The following RGS9 variants were observed in gnomAD, a reference collection of about 807,000 sequenced individuals.
RGS9 encodes the protein regulator of G protein signaling 9.
RGS9 carries 78 observed loss-of-function variants against 102.0 expected under a neutral mutation model. That is an observed-to-expected ratio of 0.76 (90% CI 0.64 to 0.92). The LOEUF (loss-of-function observed/expected upper bound fraction) is 0.92, where lower values mean the gene tolerates loss of function less well. RGS9 is among the 40% of genes least tolerant of loss of function. The probability of loss-of-function intolerance (pLI) is 0.00; values close to 1 mark genes in which losing one functional copy is unlikely to be tolerated. For missense variants in RGS9, 833 were observed against 866.1 expected (o/e 0.96, Z 0.48); for synonymous variants, 353 against 318.6 (o/e 1.11, Z -1.15).
At chr17:65,159,971 A>C (rs1333847349) in intron 3 of RGS9, among the ~76,000 whole-genome samples, 1 of 152,308 alleles carries the variant, frequency 6.6e-6, no homozygotes, top group East Asian at 1.9e-4. Context: ...GGTTTCTGTT[A>C]ACATCCAGAT....
At chr17:65,195,393 C>G (rs1912544669) in intron 12 of RGS9, among the ~76,000 whole-genome samples, 1 of 152,102 alleles carries the variant, frequency 6.6e-6, no homozygotes, top group Non-Finnish European at 1.5e-5. Flanking sequence ...TGGAACTCCC[C>G]ATTAAAGTGG....
intron 12 of RGS9, among the ~76,000 whole-genome samples, chr17:65,196,881 G>T (rs1376001348): frequency 6.6e-6 from 1 of 152,222 alleles, no homozygotes; most frequent in African/African-American, 2.4e-5. Flanking sequence ...CTGAGTGTGG[G>T]CTCCCCACGG....
intron 17 of RGS9, 37 bp downstream of exon 17, chr17:65,210,642 A>G (rs1210378249): frequency 2.5e-6 from 4 of 1,611,656 alleles, no homozygotes; most frequent in Admixed American, 3.3e-5. Flanking sequence ...CCAACTCCAA[A>G]AAGAGCTGCC....
chr17:65,137,429 C>A lies in RGS9; in HGVS notation c.-112C>A. 9.2e-7 allele frequency: 1 copy of A among 1,092,354 alleles called. No individual in the cohort carries two copies. Among genetic ancestry groups the A allele is most frequent in the Non-Finnish European group, 1.4e-6 (1 of 722,380 alleles). The allele number at this position is 1,092,354 out of a possible 1,614,324, so 67.7% of individuals were successfully genotyped here. On this transcript the variant is annotated 5_prime_UTR_variant, in exon 1 of 19. Transcript: ENST00000262406. ...GGCCCGCGCCCTCCCCGCCCAGCCG[C>A]CTCCCCGTCGACGCCCAGGGCTGGG...
chr17:65,210,591 G>C lies in RGS9; in HGVS notation c.1393G>C (p.Val465Leu), dbSNP rs1913255139. The change falls in exon 17 of 19, where the codon GTG becomes CTG. Residue 465 changes from valine (V) to leucine (L), a missense_variant. This residue lies in a region of RGS9 where 185 missense variants were observed against 248.7 expected (regional missense o/e 0.74). Transcript: ENST00000262406. ...CAAGGCCCGAGAAGCAGCCAACACTGTGGACATCACCCAGGTCATGAGCAA... is the reference window on the plus strand; with the variant it reads ...CAAGGCCCGAGAAGCAGCCAACACTCTGGACATCACCCAGGTCATGAGCAA... ...EAKAREAANT[V>L]DITQPGQHMA... The C allele has an allele frequency of 6.2e-7, 1 of 1,613,874 alleles. No homozygotes were observed. The highest frequency in any genetic ancestry group is 1.3e-5 in the African/African-American group (1 of 74,922).
chr17:65,224,917 C>T (rs1423303933), intron 17 of RGS9, 85 bp from the exon 18 acceptor site: 1 of 1,573,118 alleles, frequency 6.4e-7, no homozygotes, highest in African/African-American at 1.3e-5. Flanking sequence ...TGGAAGGGGA[C>T]TAAGTTAGCA....
Position 65,160,289 on chromosome 17 carries a change from G to T in RGS9, c.262G>T (p.Asp88Tyr), listed in dbSNP as rs376498676. Residue 88 changes from aspartate to tyrosine, a missense_variant, in exon 4 of 19, where the codon GAC becomes TAC. Coordinates refer to ENST00000262406, the MANE Select transcript of RGS9 (RefSeq NM_003835.4). ...VRYGYIYPLQ[D>Y]PKNLILKPDG... Reference sequence around the variant, plus strand: ...GTATGGCTACATTTACCCCCTGCAAGACCCCAAGAATCTCATTCTCAAGCC... The same window carrying T: ...GTATGGCTACATTTACCCCCTGCAATACCCCAAGAATCTCATTCTCAAGCC... 37 of 1,614,098 alleles carry T rather than the reference G, an allele frequency of 2.3e-5. No homozygotes were observed. Among genetic ancestry groups the T allele is most frequent in the Non-Finnish European group, 3.0e-5 (35 of 1,180,048 alleles).
chr17:65,212,991 A>G (rs1913361959), intron 17 of RGS9, among the ~76,000 whole-genome samples: 1 of 152,238 alleles, frequency 6.6e-6, no homozygotes, highest in Non-Finnish European at 1.5e-5. Context: ...TGAATGAATG[A>G]AAAGAGCCCT....
intron 18 of RGS9, among the ~76,000 whole-genome samples, chr17:65,226,617 G>GTTTT (rs142345483): frequency 2.1e-5 from 3 of 142,202 alleles, no homozygotes; most frequent in African/African-American, 7.8e-5. Flanking sequence ...TTGTCTGGGT[G>GTTTT]TTTTTTTTTT....
rs1325187485 is a variant in RGS9, at chr17:65,225,139, G to A, written c.1545G>A (p.Arg515=). ...TCGCCTCACCCAGCCGCTTCATCCG[G>A]CGACCCAGCACCACCATCTGCCCCT... ...KPFASPSRFI[R]RPSTTICPSP... The change falls in exon 18 of 19, where the codon CGG becomes CGA. Residue 515 remains arginine (R), a synonymous_variant. Transcript: ENST00000262406. The A allele has an allele frequency of 6.2e-7, 1 of 1,613,636 alleles. No individual in the cohort carries two copies. The highest frequency in any genetic ancestry group is 1.7e-5 in the Admixed American group (1 of 60,028).
intron 8 of RGS9, among the ~76,000 whole-genome samples, chr17:65,175,534 G>A (rs1345949928): frequency 6.6e-6 from 1 of 152,076 alleles, no homozygotes; most frequent in Non-Finnish European, 1.5e-5. Flanking sequence ...TTGAGACTGG[G>A]AGTGCCTCAG....
chr17:65,152,367 T>C (rs575573847), intron 1 of RGS9, among the ~76,000 whole-genome samples: 1 of 152,216 alleles, frequency 6.6e-6, no homozygotes, highest in Non-Finnish European at 1.5e-5. Context: ...GTCCCGAACA[T>C]GTAGACCAGT....
At chr17:65,215,090 G>C (rs1426051032) in intron 17 of RGS9, among the ~76,000 whole-genome samples, 3 of 152,318 alleles carry the variant, frequency 2.0e-5, no homozygotes, top group East Asian at 3.9e-4. Flanking sequence ...TTCGTATGCT[G>C]GATGTCTGAA....
At chr17:65,168,701 T>G (rs2144016495) in intron 8 of RGS9, among the ~76,000 whole-genome samples, 1 of 152,236 alleles carries the variant, frequency 6.6e-6, no homozygotes, top group African/African-American at 2.4e-5. Context: ...CCTTGGTGTC[T>G]CTAGCTCCCT....
intron 5 of RGS9, 128 bp from the exon 6 acceptor site, chr17:65,160,723 A>G: frequency 7.3e-7 from 1 of 1,376,998 alleles, no homozygotes; most frequent in Non-Finnish European, 1.0e-6. Context: ...GCATGTCCCC[A>G]GGGGCAAGGG....
chr17:65,174,334 T>C (rs980789857), intron 8 of RGS9, among the ~76,000 whole-genome samples: 17 of 152,066 alleles, frequency 1.1e-4, no homozygotes, highest in African/African-American at 4.1e-4. Flanking sequence ...CAGACACTGG[T>C]TGTAGGGCAT....
chr17:65,193,159 T>C (rs1294767470), intron 11 of RGS9, among the ~76,000 whole-genome samples: 5 of 148,364 alleles, frequency 3.4e-5, no homozygotes, highest in Admixed American at 6.8e-5. Context: ...TGATCCCAGC[T>C]ACTCAGGAGG....
chr17:65,227,132 C>T (rs1905722304), intron 18 of RGS9, 143 bp from the exon 19 acceptor site: 1 of 1,001,848 alleles, frequency 1.0e-6, no homozygotes, highest in Non-Finnish European at 1.5e-6. Context: ...AAATGCTCTA[C>T]CCCTGAGCTA....
intron 17 of RGS9, among the ~76,000 whole-genome samples, chr17:65,215,737 T>C (rs1211011354): frequency 1.4e-5 from 2 of 146,590 alleles, no homozygotes; most frequent in African/African-American, 5.3e-5. Context: ...ATTTTTGTAT[T>C]TTCAGTAGAG....
Sources: gnomAD v4.1 joint callset for allele counts (sites outside exome capture counted in the v4.1 genomes callset) on GRCh38, gnomAD v4.1.1 for gene constraint, gnomAD v4.1.1 regional missense constraint, MANE v1.5 for transcripts, NCBI Gene and HGNC (gene_info 2026-07-23, HGNC 2026-07-21) for gene names.